BTNL9: variants seen among roughly 807,000 people sequenced by gnomAD.
BTNL9 encodes the protein butyrophilin-like protein 9.
BTNL9 carries 45 observed loss-of-function variants against 45.8 expected under a neutral mutation model. That is an observed-to-expected ratio of 0.98 (90% CI 0.77 to 1.26). The LOEUF is 1.26. BTNL9 is among the 50% of genes most tolerant of loss of function. The pLI, the probability that BTNL9 is intolerant of heterozygous loss-of-function variation, is 0.00. For synonymous variants in BTNL9, 346 were observed against 330.8 expected, an observed-to-expected ratio of 1.05 and a Z score of -0.50; for missense variants, 784 against 729.7, an observed-to-expected ratio of 1.07 and a Z score of -0.86.
chr5:181,058,691 G>T (rs1188145578), intron 10 of BTNL9, among the ~76,000 whole-genome samples: 1 of 152,040 alleles, frequency 6.6e-6, no homozygotes. Flanking sequence ...ATTCTCTGAC[G>T]AAGGGGTCCC....
intron 2 of BTNL9, 46 bp downstream of exon 2, chr5:181,045,644 TC>T: frequency 6.9e-7 from 1 of 1,451,890 alleles, no homozygotes; most frequent in Non-Finnish European, 9.7e-7. Context: ...ACGCCACCCC[TC>T]CTGCCAGGTG....
At chr5:181,044,758 C>A (rs1280746180) in intron 1 of BTNL9, among the ~76,000 whole-genome samples, 1 of 152,130 alleles carries the variant, frequency 6.6e-6, no homozygotes, top group African/African-American at 2.4e-5. Flanking sequence ...TTGTCTGGGC[C>A]AGGTCTGGGC....
intron 2 of BTNL9, 71 bp downstream of exon 2, chr5:181,045,669 C>A: frequency 8.1e-7 from 1 of 1,236,378 alleles, no homozygotes; most frequent in Non-Finnish European, 1.2e-6. Flanking sequence ...CCCAGGGCTA[C>A]GATCTTAGCA....
At chr5:181,049,418 G>C (rs1249443916) in intron 3 of BTNL9, among the ~76,000 whole-genome samples, 1 of 152,192 alleles carries the variant, frequency 6.6e-6, no homozygotes, top group Non-Finnish European at 1.5e-5. Context: ...TGGATGCAGA[G>C]TGATTTCTAG....
rs376945847 is a variant in BTNL9 at position 181,053,129 on chromosome 5, G to A, written c.737-71G>A. On this transcript the variant is annotated intron_variant, in intron 4 of 10. Transcript: ENST00000327705. The surrounding 1 kb of genome is among the most constrained non-coding windows in gnomAD (Gnocchi z 6.5). ...CGCGGGAGGTTTCCCGGCACGCGGC[G>A]GGCAGGCCGGTCTCGCCTCTCGGTG... 7.6e-7 allele frequency: 1 copy of A among 1,320,672 alleles called. No individual in the cohort carries two copies. The allele number at this position is 1,320,672 out of a possible 1,614,324, so 81.8% of individuals were successfully genotyped here.
chr5:181,059,374 C>T lies in BTNL9; in HGVS notation c.1120C>T (p.Leu374=). Residue 374 remains leucine (L), a synonymous_variant, in exon 11 of 11, where the codon CTG becomes TTG. Transcript: ENST00000327705. ...PQRFSEQTCA[L]SLERFSAGRH... ...GCGGTTCTCGGAGCAGACGTGCGCG[C>T]TGAGCCTGGAGCGGTTCTCCGCCGG... 1 of 1,537,420 alleles carries T rather than the reference C, an allele frequency of 6.5e-7. No homozygotes were observed. The highest frequency in any genetic ancestry group is 8.7e-7 in the Non-Finnish European group (1 of 1,144,194).
At position 181,059,313 on chromosome 5, in the gene BTNL9, C is replaced by T. The variant is rs1762042570; in HGVS notation, c.1059C>T (p.Arg353=). 7.7e-6 allele frequency: 12 copies of T among 1,559,136 alleles called. No individual in the cohort carries two copies. The highest frequency in any genetic ancestry group is 9.5e-6 in the Non-Finnish European group (11 of 1,158,168). The part of the protein sequence containing the change: ...VSEDGKSVSS[R]GAPPGPAPGH... ...AGGATGGCAAGAGCGTGTCTTCCCGCGGGGCGCCGCCAGGCCCGGCGCCTG... is the reference window on the plus strand; with the variant it reads ...AGGATGGCAAGAGCGTGTCTTCCCGTGGGGCGCCGCCAGGCCCGGCGCCTG... The change falls in exon 11 of 11, where the codon CGC becomes CGT. Residue 353 remains arginine, a synonymous_variant. Transcript: ENST00000327705.
chr5:181,059,258 C>T lies in BTNL9; in HGVS notation c.1004C>T (p.Ala335Val). Residue 335 changes from alanine (A) to valine (V), a missense_variant, in exon 11 of 11, where the codon GCC becomes GTC. Ala to Val is a moderately conservative substitution (Grantham distance 64). Transcript: ENST00000327705. ...KYAVDVTLDP[A>V]SAHPSLEVSE... ...GCAGTGGATGTGACGCTGGACCCGG[C>T]CTCGGCGCACCCCAGCCTGGAGGTG... 6.4e-7 allele frequency: 1 copy of T among 1,563,276 alleles called. No homozygotes were observed. The highest frequency in any genetic ancestry group is 8.6e-7 in the Non-Finnish European group (1 of 1,163,904).
chr5:181,050,222 G>C lies in BTNL9; in HGVS notation c.589G>C (p.Glu197Gln). The C allele has an allele frequency of 6.2e-7, 1 of 1,614,136 alleles. No individual in the cohort carries two copies. Among genetic ancestry groups the C allele is most frequent in the Non-Finnish European group, 8.5e-7 (1 of 1,180,038 alleles). ...CCACCAGGGACAGTGCCTGCCTCCAGAGTTTGAAGCCATCGTCTGGGATGC... is the reference window on the plus strand; with the variant it reads ...CCACCAGGGACAGTGCCTGCCTCCACAGTTTGAAGCCATCGTCTGGGATGC... Reference protein sequence around the residue: ...RDHQGQCLPPEFEAIVWDAQD... With the variant: ...RDHQGQCLPPQFEAIVWDAQD... The change falls in exon 4 of 11, where the codon GAG becomes CAG. Residue 197 changes from glutamate (E) to glutamine (Q), a missense_variant. Transcript: ENST00000327705. This position sits in a 1 kb window ranked among gnomAD's most constrained non-coding sequence, Gnocchi z 4.9.
intron 1 of BTNL9, among the ~76,000 whole-genome samples, chr5:181,045,096 G>A (rs533720718): frequency 1.3e-5 from 2 of 152,324 alleles, no homozygotes; most frequent in East Asian, 3.9e-4. Context: ...TTCAGAGATT[G>A]CCCTTTGTTT....
chr5:181,051,078 CAAAAAAAAAACAAAA>C (rs1162177534), intron 4 of BTNL9, among the ~76,000 whole-genome samples: 9 of 44,688 alleles, frequency 2.0e-4, no homozygotes, highest in African/African-American at 3.4e-4. Context: ...GAATCCGTCT[CAAAAAAAAAACAAAA>C]AAAAAAAAAA....
At position 181,060,002 on chromosome 5, in the gene BTNL9, T is replaced by C; in HGVS notation, c.*140T>C. 2 of 747,646 alleles carry C rather than the reference T, an allele frequency of 2.7e-6. No homozygotes were observed. The highest frequency in any genetic ancestry group is 3.8e-5 in the South Asian group (2 of 52,792). The allele number at this position is 747,646 out of a possible 1,614,324, so 46.3% of individuals were successfully genotyped here. A position where few individuals can be genotyped will look rare whatever the true frequency, so the allele number is the denominator to read the frequency against. On this transcript the variant is annotated 3_prime_UTR_variant, in exon 11 of 11. Coordinates refer to ENST00000327705, the MANE Select transcript of BTNL9 (RefSeq NM_152547.5). The stretch of plus-strand genomic sequence containing the variant: ...GGGGACAAAGAGAGGGACCTTTGCC[T>C]ACGTAGATGTGTATGTGTAGTGCGA...
Position 181,059,230 on chromosome 5 carries a change from T to C in BTNL9, c.983-7T>C. On this transcript the variant is annotated splice_region_variant and splice_polypyrimidine_tract_variant and intron_variant, in intron 10 of 10. Transcript: ENST00000327705. Reference sequence around the variant, plus strand: ...CGGGCGGGCACTAACGCTGTGGCTCTGCGCAGTGGATGTGACGCTGGACCC... The same window carrying C: ...CGGGCGGGCACTAACGCTGTGGCTCCGCGCAGTGGATGTGACGCTGGACCC... 1 of 1,537,376 alleles carries C rather than the reference T, an allele frequency of 6.5e-7. No individual in the cohort carries two copies. Among genetic ancestry groups the C allele is most frequent in the South Asian group, 1.2e-5 (1 of 83,778 alleles).
In BTNL9 at chr5:181,044,790, A is replaced by G. The variant is rs540483810; in HGVS notation, c.-23-677A>G. Among the ~76,000 whole-genome samples the G allele has an allele frequency of 1.2e-4, 18 of 152,244 alleles. No homozygotes were observed. The South Asian group carries it at 3.7e-3, about 32-fold the overall frequency. On this transcript the variant is annotated intron_variant, in intron 1 of 10. Coordinates refer to ENST00000327705, the MANE Select transcript of BTNL9 (RefSeq NM_152547.5). ...GGGCCTCCTGGGTCATAGATGAGGAAGGGGTGGCTAGATGGGATGACTCCA... is the reference window on the plus strand; with the variant it reads ...GGGCCTCCTGGGTCATAGATGAGGAGGGGGTGGCTAGATGGGATGACTCCA...
Position 181,055,626 on chromosome 5 carries a change from C to T in BTNL9, c.928+173C>T, listed in dbSNP as rs148812190. On this transcript the variant is annotated intron_variant, in intron 8 of 10. Coordinates refer to ENST00000327705, the MANE Select transcript of BTNL9 (RefSeq NM_152547.5). This position sits in a 1 kb window ranked among gnomAD's most constrained non-coding sequence, Gnocchi z 4.4. ...CTTCTAAAAATACAAAAAATTAGCC[C>T]GGCGTGGCGGCATGTGCCTGTAGTC... is the stretch of plus-strand genomic sequence containing the variant. 0.025 allele frequency: 19,836 copies of T among 778,440 alleles called. 346 individuals are homozygous for T. Among genetic ancestry groups the T allele is most frequent in the Middle Eastern group, 0.036 (108 of 3,040 alleles). 48.2% of individuals were successfully genotyped at this position (778,440 alleles called of 1,614,324 possible).
rs1390725374 is a variant in BTNL9 at position 181,042,030 on chromosome 5, A to G, written c.-24+1598A>G. Reference sequence around the variant, plus strand: ...CGGAGGGACCGGAAATCAGAAAAACATCAGGGTTGTTTAGGAATTGCAGGT... The same window carrying G: ...CGGAGGGACCGGAAATCAGAAAAACGTCAGGGTTGTTTAGGAATTGCAGGT... On this transcript the variant is annotated intron_variant, in intron 1 of 10. Transcript: ENST00000327705. The surrounding 1 kb of genome is among the most constrained non-coding windows in gnomAD (Gnocchi z 4.5). Among the ~76,000 whole-genome samples, 2 of 152,246 alleles carry G rather than the reference A, an allele frequency of 1.3e-5. No homozygotes were observed. The highest frequency in any genetic ancestry group is 2.9e-5 in the Non-Finnish European group (2 of 68,052).
rs967273008 is a variant in BTNL9 at position 181,050,959 on chromosome 5, C to T, written c.736+590C>T. Among the ~76,000 whole-genome samples, 6 of 151,586 alleles carry T rather than the reference C, an allele frequency of 4.0e-5. No individual in the cohort carries two copies. The highest frequency in any genetic ancestry group is 7.3e-5 in the African/African-American group (3 of 41,286). On this transcript the variant is annotated intron_variant, in intron 4 of 10. Transcript: ENST00000327705. This position sits in a 1 kb window ranked among gnomAD's most constrained non-coding sequence, Gnocchi z 4.9. ...AAAATTAGCCCGGCATAGTGGCAGG[C>T]GCCTGTAATCCCAGCTACTCGGGAG...
chr5:181,059,311 C>G lies in BTNL9; in HGVS notation c.1057C>G (p.Arg353Gly). 6.4e-7 allele frequency: 1 copy of G among 1,558,858 alleles called. No homozygotes were observed. The change falls in exon 11 of 11, where the codon CGC becomes GGC. Residue 353 changes from arginine (R) to glycine (G), a missense_variant. Arg to Gly is a moderately radical substitution (Grantham distance 125). Transcript: ENST00000327705. ...GGAGGATGGCAAGAGCGTGTCTTCC[C>G]GCGGGGCGCCGCCAGGCCCGGCGCC... ...VSEDGKSVSS[R>G]GAPPGPAPGH...
rs1165504399 is a variant in BTNL9, at chr5:181,050,852, G to C, written c.736+483G>C. Among the ~76,000 whole-genome samples the C allele has an allele frequency of 2.0e-5, 3 of 152,104 alleles. No individual in the cohort carries two copies. Among genetic ancestry groups the C allele is most frequent in the Non-Finnish European group, 4.4e-5 (3 of 68,014 alleles). ...GCCTGTAATCCCAGCACTTTGGGAG[G>C]CCAAGGCGGGTGGATCATGAGGTCA... is the stretch of plus-strand genomic sequence containing the variant. On this transcript the variant is annotated intron_variant, in intron 4 of 10. Transcript: ENST00000327705. The surrounding 1 kb of genome is among the most constrained non-coding windows in gnomAD (Gnocchi z 4.9).
Sources: allele counts gnomAD v4.1 joint callset (sites outside exome capture counted in the v4.1 genomes callset), GRCh38; gene constraint gnomAD v4.1.1; non-coding constraint Gnocchi (gnomAD v3.1); transcripts MANE v1.5; gene names NCBI Gene and HGNC (gene_info 2026-07-23, HGNC 2026-07-21).